The following AQR variants were observed in gnomAD, a reference collection of about 807,000 sequenced individuals.
The protein encoded by AQR is RNA helicase aquarius.
A neutral mutation model predicts 180.5 loss-of-function variants in AQR; 61 were observed. That is an observed-to-expected ratio of 0.34 (90% CI 0.28 to 0.42). The LOEUF (loss-of-function observed/expected upper bound fraction) is 0.42, where lower values mean the gene tolerates loss of function less well. Ranked by LOEUF, AQR falls within the 10% of genes least tolerant of loss-of-function variation. The pLI is 1.00. For synonymous variants in AQR, 551 were observed against 588.8 expected (o/e 0.94, Z 0.93); for missense variants, 1,281 against 1,798.3 (o/e 0.71, Z 5.20).
chr15:34,930,958 T>TC lies in AQR; in HGVS notation c.901-588dup, dbSNP rs561672313. Among the ~76,000 whole-genome samples the TC allele has an allele frequency of 3.0e-4, 45 of 151,136 alleles. No individual in the cohort carries two copies. The East Asian group carries it at 8.6e-3, about 29-fold the overall frequency. ...TTCACGCCATTCTCCTGCCTCAGCC[T>TC]CCGGAGTAGCTGGGACTACAGGCGC... is the stretch of plus-strand genomic sequence containing the variant. On this transcript the variant is annotated intron_variant, in intron 11 of 34. Transcript: ENST00000156471.
At chr15:34,898,205 A>G (rs76781641) in intron 20 of AQR, among the ~76,000 whole-genome samples, 2,743 of 152,334 alleles carry the variant, frequency 0.018, 75 homozygotes, top group African/African-American at 0.058. Context: ...CAGGAACCTT[A>G]TAATGACATG....
intron 6 of AQR, chr15:34,943,295 T>C (rs773520261): frequency 6.4e-6 from 10 of 1,550,472 alleles, no homozygotes; most frequent in Admixed American, 5.0e-5. Flanking sequence ...TTGAGTGCAT[T>C]GAGCCCAACT....
intron 2 of AQR, among the ~76,000 whole-genome samples, chr15:34,962,422 A>G (rs1358834311): frequency 6.6e-6 from 1 of 152,160 alleles, no homozygotes. Flanking sequence ...TTCAATCTAG[A>G]TGAAATGCTC....
intron 27 of AQR, among the ~76,000 whole-genome samples, chr15:34,879,477 TCCA>T (rs1892937495): frequency 6.6e-6 from 1 of 152,158 alleles, no homozygotes; most frequent in Non-Finnish European, 1.5e-5. Context: ...CCCCTTTCCT[TCCA>T]CCAATCGCTT....
chr15:34,917,849 T>A (rs1333603124), intron 15 of AQR, among the ~76,000 whole-genome samples: 2 of 140,352 alleles, frequency 1.4e-5, no homozygotes, highest in African/African-American at 2.6e-5. Flanking sequence ...CTGGGTGTGG[T>A]GGTGCACGCC....
At chr15:34,949,387 G>A (rs1894181101) in intron 4 of AQR, among the ~76,000 whole-genome samples, 1 of 151,732 alleles carries the variant, frequency 6.6e-6, no homozygotes, top group African/African-American at 2.4e-5. Context: ...GAGGCAGGCA[G>A]ATCATGAGGT....
chr15:34,944,119 A>T (rs1894072708), intron 6 of AQR, among the ~76,000 whole-genome samples, 169 bp downstream of exon 6: 1 of 152,240 alleles, frequency 6.6e-6, no homozygotes, highest in Admixed American at 6.5e-5. Context: ...TATCTTAAAG[A>T]CTTATAAAAT....
chr15:34,884,837 A>G, intron 25 of AQR, 103 bp from the exon 26 acceptor site: 1 of 837,510 alleles, frequency 1.2e-6, no homozygotes, highest in Admixed American at 3.3e-5. Flanking sequence ...GTGAAAAAGA[A>G]AAAAAAAGAA....
In AQR at chr15:34,904,958, A is replaced by C. The variant is rs1893388190; in HGVS notation, c.1832-453T>G. On this transcript the variant is annotated intron_variant, in intron 18 of 34. Transcript: ENST00000156471. ...TAATTCCTTAATTTGACAGAGGTTC[A>C]TCACTTTTCTCATCCTTCCACATTC... 1.3e-5 allele frequency among the ~76,000 whole-genome samples: 2 copies of C among 151,894 alleles called. 1 individual carries two copies. The highest frequency in any genetic ancestry group is 4.9e-5 in the African/African-American group (2 of 41,228).
intron 34 of AQR, among the ~76,000 whole-genome samples, chr15:34,858,647 T>C (rs1478532172): frequency 6.6e-6 from 1 of 152,156 alleles, no homozygotes; most frequent in Non-Finnish European, 1.5e-5. Context: ...ATTTCTAAAA[T>C]GAAGAACAAA....
intron 9 of AQR, among the ~76,000 whole-genome samples, chr15:34,936,035 A>G (rs186035959): frequency 1.9e-4 from 29 of 152,300 alleles, no homozygotes; most frequent in Admixed American, 3.3e-4. Flanking sequence ...TGGTGACTAA[A>G]GTTGCATGTT....
intron 4 of AQR, among the ~76,000 whole-genome samples, chr15:34,948,793 T>A (rs1433449104): frequency 7.4e-6 from 1 of 134,480 alleles, no homozygotes; most frequent in Non-Finnish European, 1.6e-5. Flanking sequence ...CTAGACTCCA[T>A]CTCAAAAAAA....
chr15:34,967,123 AC>A (rs1483502612), intron 1 of AQR, among the ~76,000 whole-genome samples: 4 of 150,406 alleles, frequency 2.7e-5, no homozygotes, highest in Non-Finnish European at 4.4e-5. Flanking sequence ...TGATCCGTCC[AC>A]CTCAGCCTCC....
At position 34,855,635 on chromosome 15, in the gene AQR, T is replaced by C. The variant is rs1054441261; in HGVS notation, c.*1157A>G. The C allele has an allele frequency of 3.9e-5, 6 of 152,066 alleles. No homozygotes were observed. Among genetic ancestry groups the C allele is most frequent in the Non-Finnish European group, 8.8e-5 (6 of 68,000 alleles). The allele number at this position is 152,066 out of a possible 1,614,324, so 9.4% of individuals were successfully genotyped here. ...GTCACATTCACTGGTAATTCTACAT[T>C]ATAGCCTCATTCATGTGAAGACAAC... On this transcript the variant is annotated 3_prime_UTR_variant, in exon 35 of 35. Coordinates refer to ENST00000156471, the MANE Select transcript of AQR (RefSeq NM_014691.3).
chr15:34,864,783 T>C (rs557477252), intron 32 of AQR, among the ~76,000 whole-genome samples: 52 of 152,274 alleles, frequency 3.4e-4, no homozygotes, highest in African/African-American at 1.3e-3. Context: ...AGTGCTATAG[T>C]GCAGTAAAGT....
At chr15:34,956,696 G>GGAA (rs1555375570) in intron 3 of AQR, among the ~76,000 whole-genome samples, 2 of 83,370 alleles carry the variant, frequency 2.4e-5, no homozygotes, top group East Asian at 4.0e-4. Context: ...TAAGAAGTCA[G>GGAA]AAAAAAAAAA....
rs776620527 is a variant in AQR at position 34,927,138 on chromosome 15, T to C, written c.1015A>G (p.Arg339Gly). The change falls in exon 13 of 35, where the codon AGA (arginine) becomes GGA (glycine). Residue 339 changes from arginine (R) to glycine (G), a missense_variant and splice_region_variant. By Grantham distance (125) the Arg-to-Gly change is moderately radical. This residue lies in a region of AQR where 404 missense variants were observed against 490.9 expected (regional missense o/e 0.82). Coordinates refer to ENST00000156471, the MANE Select transcript of AQR (RefSeq NM_014691.3). ...TCAGGAAAATGTGCAAAAGCAGCTCTCTAGAAAATAATGGCAAAAAATATT... is the reference window on the plus strand; with the variant it reads ...TCAGGAAAATGTGCAAAAGCAGCTCCCTAGAAAATAATGGCAAAAAATATT... ...IHYDRITSLQ[R>G]AAFAHFPELY... The C allele has an allele frequency of 1.3e-6, 2 of 1,558,168 alleles. No homozygotes were observed. The highest frequency in any genetic ancestry group is 1.7e-6 in the Non-Finnish European group (2 of 1,152,722).
chr15:34,943,231 A>G (rs1335213041), intron 6 of AQR: 2 of 1,610,124 alleles, frequency 1.2e-6, no homozygotes, highest in South Asian at 2.2e-5. Context: ...TATGGTGGGC[A>G]AACTAAGCCA....
intron 20 of AQR, among the ~76,000 whole-genome samples, chr15:34,898,195 C>T (rs953177968): frequency 2.6e-5 from 4 of 152,138 alleles, no homozygotes; most frequent in Non-Finnish European, 5.9e-5. Flanking sequence ...CTTGTTATGA[C>T]AGGAACCTTA....
Sources: allele counts gnomAD v4.1 joint callset (sites outside exome capture counted in the v4.1 genomes callset), GRCh38; gene constraint gnomAD v4.1.1; regional missense constraint gnomAD v4.1.1; transcripts MANE v1.5; gene names NCBI Gene and HGNC (gene_info 2026-07-23, HGNC 2026-07-21).